Variants in PIK3C2A observed in about 807,000 individuals in gnomAD.
PIK3C2A encodes phosphatidylinositol-4-phosphate 3-kinase catalytic subunit type 2 alpha, also known as phosphatidylinositol 4-phosphate 3-kinase C2 domain-containing subunit alpha.
A neutral mutation model predicts 204.5 loss-of-function variants in PIK3C2A; 97 were observed. The ratio of observed to expected loss-of-function variants is 0.47; its 90% CI spans 0.40 to 0.56. PIK3C2A has a LOEUF of 0.56. Among genes scored for constraint, PIK3C2A ranks in the 20% least tolerant of loss-of-function variants. The probability of loss-of-function intolerance (pLI) is 0.00; values close to 1 mark genes in which losing one functional copy is unlikely to be tolerated. For missense variants in PIK3C2A, 1,735 were observed against 1,969.2 expected, an observed-to-expected ratio of 0.88 and a Z score of 2.25; for synonymous variants, 653 against 664.4, an observed-to-expected ratio of 0.98 and a Z score of 0.26.
chr11:17,155,680 C>T (rs1480186928), intron 2 of PIK3C2A, 51 bp from the exon 3 acceptor site: 2 of 1,008,262 alleles, frequency 2.0e-6, no homozygotes, highest in African/African-American at 3.2e-5. Context: ...CCACAAAATG[C>T]TACATAGCAG....
chr11:17,116,419 T>C (rs1849193179), intron 19 of PIK3C2A, among the ~76,000 whole-genome samples: 1 of 152,126 alleles, frequency 6.6e-6, no homozygotes, highest in African/African-American at 2.4e-5. Context: ...GTGGTGAAAC[T>C]GGAACCCTTC....
At chr11:17,150,425 A>G (rs1449030490) in intron 4 of PIK3C2A, 73 bp downstream of exon 4, 8 of 1,318,272 alleles carry the variant, frequency 6.1e-6, no homozygotes, top group Non-Finnish European at 8.1e-6. Flanking sequence ...TATTAAAAGA[A>G]TGATAATATT....
At chr11:17,134,755 C>T (rs1231944449) in intron 11 of PIK3C2A, 64 bp downstream of exon 11, 2 of 1,189,190 alleles carry the variant, frequency 1.7e-6, no homozygotes, top group Non-Finnish European at 2.5e-6. Context: ...CCCACTGTGG[C>T]CTCACAAAGC....
At chr11:17,123,928 C>T (rs1417051952) in intron 13 of PIK3C2A, among the ~76,000 whole-genome samples, 1 of 152,126 alleles carries the variant, frequency 6.6e-6, no homozygotes. Context: ...TTTGTCAAAT[C>T]TTTGTTCATT....
chr11:17,099,970 C>CT lies in PIK3C2A; in HGVS notation c.4009-2dup. ...GTTCTGGTAACCCTGAAGGAATCAT[C>CT]TGTAGAAGAAAACAAAAAGTTCTGT... On this transcript the variant is annotated splice_acceptor_variant, in intron 25 of 32. Coordinates refer to ENST00000691414, the MANE Select transcript of PIK3C2A (RefSeq NM_002645.4). LOFTEE classifies it high-confidence loss of function. 1 of 1,454,772 alleles carries CT rather than the reference C, an allele frequency of 6.9e-7. No homozygotes were observed. Among genetic ancestry groups the CT allele is most frequent in the Non-Finnish European group, 9.6e-7 (1 of 1,045,352 alleles). The allele number at this position is 1,454,772 out of a possible 1,614,324, so 90.1% of individuals were successfully genotyped here.
intron 12 of PIK3C2A, 63 bp downstream of exon 12, chr11:17,131,853 T>A: frequency 7.3e-7 from 1 of 1,365,310 alleles, no homozygotes; most frequent in Non-Finnish European, 1.0e-6. Flanking sequence ...CTAGGATGCA[T>A]ACATTGGAAA....
intron 1 of PIK3C2A, among the ~76,000 whole-genome samples, chr11:17,174,907 A>T (rs1360021833): frequency 6.6e-6 from 1 of 152,150 alleles, no homozygotes; most frequent in East Asian, 1.9e-4. Flanking sequence ...TCTCAAAAAA[A>T]AATAAAATAA....
intron 1 of PIK3C2A, among the ~76,000 whole-genome samples, chr11:17,183,113 G>A (rs928492832): frequency 1.3e-5 from 2 of 151,926 alleles, no homozygotes; most frequent in Admixed American, 6.6e-5. Context: ...CAAAGTGCTG[G>A]GATTACAGAC....
At chr11:17,096,990 CAAAGGAAGTAG>C (rs1848472449) in intron 27 of PIK3C2A, 56 bp downstream of exon 27, 3 of 921,996 alleles carry the variant, frequency 3.3e-6, no homozygotes, top group Non-Finnish European at 1.7e-6. Flanking sequence ...GCAGAATCAG[CAAAGGAAGTAG>C]AAAGGACAAC....
At chr11:17,105,026 T>C (rs919443074) in intron 23 of PIK3C2A, 143 bp downstream of exon 23, 5 of 640,978 alleles carry the variant, frequency 7.8e-6, no homozygotes, top group African/African-American at 5.6e-5. Context: ...TTTACATTCT[T>C]TCCTATACTT....
chr11:17,192,796 A>T (rs1376880519), intron 1 of PIK3C2A, among the ~76,000 whole-genome samples: 1 of 152,238 alleles, frequency 6.6e-6, no homozygotes, highest in Non-Finnish European at 1.5e-5. Context: ...TTTTATAGCA[A>T]ATACAGTATT....
At chr11:17,099,542 T>A (rs72632987) in intron 26 of PIK3C2A, among the ~76,000 whole-genome samples, 8,511 of 152,142 alleles carry the variant, frequency 0.056, 860 homozygotes, top group East Asian at 0.43. Context: ...CAAGACTCAG[T>A]CTCAAAATAA....
At chr11:17,128,347 G>A (rs541278410) in intron 13 of PIK3C2A, among the ~76,000 whole-genome samples, 3 of 149,078 alleles carry the variant, frequency 2.0e-5, no homozygotes, top group Admixed American at 6.8e-5. Context: ...TGATTCTCAT[G>A]CCTCAGCCTA....
In PIK3C2A at chr11:17,207,838, C is replaced by G. The variant is rs1429831798; in HGVS notation, c.-66+10G>C. 1 of 153,034 alleles carries G rather than the reference C, an allele frequency of 6.5e-6. No homozygotes were observed. The highest frequency in any genetic ancestry group is 1.5e-5 in the Non-Finnish European group (1 of 68,786). The allele number at this position is 153,034 out of a possible 1,614,324, so 9.5% of individuals were successfully genotyped here. On this transcript the variant is annotated intron_variant, in intron 1 of 32. Coordinates refer to ENST00000691414, the MANE Select transcript of PIK3C2A (RefSeq NM_002645.4). ...GAATATCGTCCCCAGCCGCACCGAC[C>G]GCTCCTCACCTCAAGCTGCCTGAGC...
intron 25 of PIK3C2A, among the ~76,000 whole-genome samples, chr11:17,100,314 A>G (rs546670324): frequency 6.7e-6 from 1 of 149,812 alleles, no homozygotes; most frequent in Admixed American, 6.7e-5. Flanking sequence ...CCAGGGTTCA[A>G]GCAATTCTCC....
chr11:17,135,819 T>C (rs11603765), intron 9 of PIK3C2A, among the ~76,000 whole-genome samples: 35,721 of 152,030 alleles, frequency 0.23, 4,600 homozygotes, highest in Middle Eastern at 0.35. Context: ...ATGGACTATG[T>C]TATCTTCTAG....
chr11:17,202,616 AC>A (rs1345136099), intron 1 of PIK3C2A, among the ~76,000 whole-genome samples: 2 of 152,052 alleles, frequency 1.3e-5, no homozygotes, highest in Non-Finnish European at 2.9e-5. Flanking sequence ...CATTGTTAAG[AC>A]CTGAATTCAA....
intron 23 of PIK3C2A, among the ~76,000 whole-genome samples, chr11:17,104,942 A>G (rs1848759245): frequency 6.6e-6 from 1 of 151,866 alleles, no homozygotes; most frequent in African/African-American, 2.4e-5. Flanking sequence ...GCCTCTAAGT[A>G]TGTGTTTGGA....
intron 19 of PIK3C2A, among the ~76,000 whole-genome samples, chr11:17,116,569 A>G (rs1318798376): frequency 6.6e-6 from 1 of 151,976 alleles, no homozygotes; most frequent in African/African-American, 2.4e-5. Context: ...ACACAAATTT[A>G]TACATGAATA....
Sources: gnomAD v4.1 joint callset for allele counts (sites outside exome capture counted in the v4.1 genomes callset) on GRCh38, gnomAD v4.1.1 for gene constraint, MANE v1.5 for transcripts, NCBI Gene and HGNC (gene_info 2026-07-23, HGNC 2026-07-21) for gene names.